Variants in SIRT1 observed in about 807,000 individuals in gnomAD.
SIRT1 encodes the protein NAD-dependent protein deacetylase sirtuin-1.
A neutral mutation model predicts 67.9 loss-of-function variants in SIRT1; 24 were observed. That is an observed-to-expected ratio of 0.35 (90% CI 0.26 to 0.50). The LOEUF is 0.50. Among genes scored for constraint, SIRT1 ranks in the 20% least tolerant of loss-of-function variants. The pLI is 0.98. For missense variants in SIRT1, 873 were observed against 937.2 expected, an observed-to-expected ratio of 0.93 and a Z score of 0.89; for synonymous variants, 378 against 350.7, an observed-to-expected ratio of 1.08 and a Z score of -0.87.
Position 67,917,349 on chromosome 10 carries a change from G to A in SIRT1, c.*756G>A, listed in dbSNP as rs531483546. 2.0e-5 allele frequency: 3 copies of A among 152,690 alleles called. No individual in the cohort carries two copies. The East Asian group carries it at 5.8e-4, about 29-fold the overall frequency. The allele number at this position is 152,690 out of a possible 1,614,324, so 9.5% of individuals were successfully genotyped here. On this transcript the variant is annotated 3_prime_UTR_variant, in exon 9 of 9. Coordinates refer to ENST00000212015, the MANE Select transcript of SIRT1 (RefSeq NM_012238.5). ...AAACTAACCTGAAAAACAAATAAAT[G>A]CTTTGGAAATGTTTCAGTTGCTTTA...
Position 67,916,833 on chromosome 10 carries a change from C to A in SIRT1, c.*240C>A. ...AAAAAAGGTACTAAGTATCTTCAAT[C>A]AGCTGTTGGTCAAGACTAACTTTCT... On this transcript the variant is annotated 3_prime_UTR_variant, in exon 9 of 9. Coordinates refer to ENST00000212015, the MANE Select transcript of SIRT1 (RefSeq NM_012238.5). 2 of 238,916 alleles carry A rather than the reference C, an allele frequency of 8.4e-6. No homozygotes were observed. The highest frequency in any genetic ancestry group is 1.3e-3 in the Middle Eastern group (1 of 798). The allele number at this position is 238,916 out of a possible 1,614,324, so 14.8% of individuals were successfully genotyped here. A position where few individuals can be genotyped will look rare whatever the true frequency, so the allele number is the denominator to read the frequency against.
In SIRT1 at chr10:67,900,161, T is replaced by A. The variant is rs186309970; in HGVS notation, c.943-6629T>A. Among the ~76,000 whole-genome samples, 5 of 152,304 alleles carry A rather than the reference T, an allele frequency of 3.3e-5. No homozygotes were observed. In the East Asian group the frequency reaches 9.6e-4, roughly 29 times the overall value. ...TTATTTTTTATTTATTTATTTATTT[T>A]TTGAGACAGAGTCGCATTCTGTCGC... is the stretch of plus-strand genomic sequence containing the variant. On this transcript the variant is annotated intron_variant, in intron 4 of 8. Transcript: ENST00000212015.
intron 3 of SIRT1, among the ~76,000 whole-genome samples, chr10:67,889,647 T>C (rs1842538133): frequency 6.6e-6 from 1 of 152,228 alleles, no homozygotes; most frequent in Non-Finnish European, 1.5e-5. Context: ...CTAAGACTAT[T>C]GCATAGTGTG....
At chr10:67,889,559 TATTA>T (rs529081424) in intron 3 of SIRT1, among the ~76,000 whole-genome samples, 45 of 152,332 alleles carry the variant, frequency 3.0e-4, no homozygotes, top group East Asian at 1.3e-3. Context: ...CTTCCCTCCA[TATTA>T]ATTAAGATGA....
rs200875461 is a variant in SIRT1, at chr10:67,884,671, C to G, written c.-51C>G. 4.9e-6 allele frequency: 6 copies of G among 1,225,524 alleles called. No homozygotes were observed. The highest frequency in any genetic ancestry group is 4.3e-5 in the Admixed American group (1 of 23,470). The allele number at this position is 1,225,524 out of a possible 1,614,324, so 75.9% of individuals were successfully genotyped here. On this transcript the variant is annotated 5_prime_UTR_variant, in exon 1 of 9. Coordinates refer to ENST00000212015, the MANE Select transcript of SIRT1 (RefSeq NM_012238.5). ...CCGCGGGGGCGCCAGTGCCGCGCGTCGAGCGGGAGCAGAGGAGGCGAGGGA... is the reference window on the plus strand; with the variant it reads ...CCGCGGGGGCGCCAGTGCCGCGCGTGGAGCGGGAGCAGAGGAGGCGAGGGA...
chr10:67,897,621 C>T (rs893534484), intron 4 of SIRT1, among the ~76,000 whole-genome samples: 4 of 152,000 alleles, frequency 2.6e-5, no homozygotes, highest in Non-Finnish European at 1.5e-5. Context: ...CTCTGCCTCC[C>T]AAAGTGCTGG....
rs771950281 is a variant in SIRT1 at position 67,909,333 on chromosome 10, A to C, written c.1248A>C (p.Glu416Asp). The part of the protein sequence containing the change: ...IMKPEIVFFG[E>D]NLPEQFHRAM... ...AACCAGAGATTGTGTTTTTTGGTGAAAATTTACCAGAACAGTTTCATAGAG... is the reference window on the plus strand; with the variant it reads ...AACCAGAGATTGTGTTTTTTGGTGACAATTTACCAGAACAGTTTCATAGAG... The change falls in exon 7 of 9, where the codon GAA (glutamate) becomes GAC (aspartate). Residue 416 changes from glutamate to aspartate, a missense_variant. Around this residue, in one of 3 missense-constraint regions of SIRT1, gnomAD observed 251 missense variants for 358.8 expected, o/e 0.70. Transcript: ENST00000212015. 1 of 1,613,266 alleles carries C rather than the reference A, an allele frequency of 6.2e-7. No homozygotes were observed. Among genetic ancestry groups the C allele is most frequent in the Non-Finnish European group, 8.5e-7 (1 of 1,179,820 alleles).
chr10:67,907,175 C>T (rs889020659), intron 5 of SIRT1, among the ~76,000 whole-genome samples: 1 of 152,110 alleles, frequency 6.6e-6, no homozygotes, highest in Non-Finnish European at 1.5e-5. Flanking sequence ...AAAGATGCTG[C>T]AGTTGCATGC....
rs570013764 is a variant in SIRT1 at position 67,895,051 on chromosome 10, T to C, written c.942+3497T>C. Among the ~76,000 whole-genome samples the C allele has an allele frequency of 4.6e-4, 70 of 152,208 alleles. 1 individual carries two copies. In the South Asian group the frequency reaches 0.013, roughly 29 times the overall value. On this transcript the variant is annotated intron_variant, in intron 4 of 8. Coordinates refer to ENST00000212015, the MANE Select transcript of SIRT1 (RefSeq NM_012238.5). The stretch of plus-strand genomic sequence containing the variant: ...CATTTATGGTAATGGTTAAATCAGC[T>C]AGGCTTTACAGTTGTTACTCACATA...
At chr10:67,893,129 G>A (rs922252241) in intron 4 of SIRT1, among the ~76,000 whole-genome samples, 1 of 150,512 alleles carries the variant, frequency 6.6e-6, no homozygotes, top group Non-Finnish European at 1.5e-5. Context: ...ATTTGAAAGA[G>A]TCATTTTATT....
chr10:67,900,216 G>T (rs1277419456), intron 4 of SIRT1, among the ~76,000 whole-genome samples: 3 of 151,968 alleles, frequency 2.0e-5, no homozygotes, highest in African/African-American at 7.2e-5. Flanking sequence ...TGCCATCTTG[G>T]CTCACTGCAA....
At position 67,912,388 on chromosome 10, in the gene SIRT1, G is replaced by A. The variant is rs183070314; in HGVS notation, c.1358-86G>A. The A allele has an allele frequency of 5.2e-5, 64 of 1,240,930 alleles. 1 individual carries two copies. The African/African-American group carries it at 9.2e-4, about 18-fold the overall frequency. The allele number at this position is 1,240,930 out of a possible 1,614,324, so 76.9% of individuals were successfully genotyped here. ...GGAATTTGGAGCTCAAGCCCTTGTT[G>A]GATTTTTGCATAATGTATCTGTTGT... On this transcript the variant is annotated intron_variant, in intron 7 of 8. Coordinates refer to ENST00000212015, the MANE Select transcript of SIRT1 (RefSeq NM_012238.5).
intron 4 of SIRT1, chr10:67,906,176 G>T: frequency 7.1e-7 from 1 of 1,407,216 alleles, no homozygotes; most frequent in South Asian, 1.7e-5. Flanking sequence ...AAACAGCATT[G>T]AAGCATTATT....
Position 67,916,631 on chromosome 10 carries a change from C to A in SIRT1, c.*38C>A. ...GCAGGTACAGGAATTGTTCCACCAG[C>A]ATTAGGAACTTTAGCATGTCAAAAT... On this transcript the variant is annotated 3_prime_UTR_variant, in exon 9 of 9. Transcript: ENST00000212015. 2 of 1,525,338 alleles carry A rather than the reference C, an allele frequency of 1.3e-6. No individual in the cohort carries two copies. The highest frequency in any genetic ancestry group is 1.8e-6 in the Non-Finnish European group (2 of 1,121,572). 94.5% of individuals were successfully genotyped at this position (1,525,338 alleles called of 1,614,324 possible).
At chr10:67,909,106 T>C (rs1445024160) in intron 6 of SIRT1, 150 bp from the exon 7 acceptor site, 3 of 578,770 alleles carry the variant, frequency 5.2e-6, no homozygotes, top group Non-Finnish European at 9.0e-6. Flanking sequence ...CTACCCATCA[T>C]TGACAGTTGC....
intron 8 of SIRT1, among the ~76,000 whole-genome samples, chr10:67,914,304 C>G (rs983640347): frequency 6.6e-6 from 1 of 151,926 alleles, no homozygotes; most frequent in Non-Finnish European, 1.5e-5. Flanking sequence ...ACTCCTGACC[C>G]CATGATCCAT....
At chr10:67,891,692 T>G in intron 4 of SIRT1, 138 bp downstream of exon 4, 1 of 804,468 alleles carries the variant, frequency 1.2e-6, no homozygotes, top group South Asian at 1.9e-5. Context: ...GATCACTCAT[T>G]ATGGCTAGAA....
At chr10:67,898,864 T>C (rs1842699472) in intron 4 of SIRT1, among the ~76,000 whole-genome samples, 1 of 152,194 alleles carries the variant, frequency 6.6e-6, no homozygotes, top group African/African-American at 2.4e-5. Flanking sequence ...TGTTTTACTT[T>C]GCTTTCAATT....
chr10:67,914,846 T>G (rs1379302839), intron 8 of SIRT1, among the ~76,000 whole-genome samples: 1 of 151,646 alleles, frequency 6.6e-6, no homozygotes, highest in African/African-American at 2.4e-5. Flanking sequence ...TAGCTGTAGC[T>G]GAGACCACAG....
Sources: allele counts gnomAD v4.1 joint callset (sites outside exome capture counted in the v4.1 genomes callset), GRCh38; gene constraint gnomAD v4.1.1; regional missense constraint gnomAD v4.1.1; transcripts MANE v1.5; gene names NCBI Gene and HGNC (gene_info 2026-07-23, HGNC 2026-07-21).